CNTNAP3B: variants seen among roughly 807,000 people sequenced by gnomAD.
CNTNAP3B encodes the protein contactin-associated protein-like 3B.
In CNTNAP3B, 25 loss-of-function variants were observed where a neutral mutation model predicts 108.9. The ratio of observed to expected loss-of-function variants is 0.23; its 90% CI spans 0.17 to 0.32. The LOEUF (loss-of-function observed/expected upper bound fraction) is 0.32. Ranked by LOEUF, CNTNAP3B falls within the 10% of genes least tolerant of loss-of-function variation. The probability of loss-of-function intolerance (pLI) is 1.00; values close to 1 mark genes in which losing one functional copy is unlikely to be tolerated. For missense variants in CNTNAP3B, 252 were observed against 1,210.4 expected, an observed-to-expected ratio of 0.21 and a Z score of 11.75; for synonymous variants, 103 against 473.4, an observed-to-expected ratio of 0.22 and a Z score of 10.16.
chr9:41,945,973 A>T (rs879024199), intron 13 of CNTNAP3B, among the ~76,000 whole-genome samples: 1 of 152,400 alleles, frequency 6.6e-6, no homozygotes, highest in East Asian at 1.9e-4. Flanking sequence ...CAGAGCAAGG[A>T]AAATTATCAG....
chr9:42,111,186 G>A (rs1186395329), intron 1 of CNTNAP3B, among the ~76,000 whole-genome samples: 4 of 139,400 alleles, frequency 2.9e-5, no homozygotes, highest in Non-Finnish European at 6.2e-5. Flanking sequence ...TGAATGAATG[G>A]GAACAGAACC....
At chr9:42,114,805 G>T (rs1173418771) in intron 1 of CNTNAP3B, among the ~76,000 whole-genome samples, 2 of 138,242 alleles carry the variant, frequency 1.4e-5, no homozygotes, top group Non-Finnish European at 3.1e-5. Context: ...TTTACAGTGA[G>T]ACTGGGCGCA....
intron 3 of CNTNAP3B, among the ~76,000 whole-genome samples, chr9:42,058,303 A>G (rs1202661401): frequency 6.6e-6 from 1 of 152,204 alleles, no homozygotes; most frequent in African/African-American, 2.4e-5. Context: ...GCTTTCCATA[A>G]TGGATATACA....
chr9:41,973,835 T>C (rs1397437227), intron 9 of CNTNAP3B, among the ~76,000 whole-genome samples: 2 of 130,822 alleles, frequency 1.5e-5, no homozygotes, highest in African/African-American at 6.2e-5. Context: ...AAATTAGACT[T>C]TCTCTTTCTT....
rs561132555 is a variant in CNTNAP3B, at chr9:42,112,395, G to A, written c.86-7656C>T. ...AGGGAGCCACACAGCAGCCATGTGC[G>A]GCGGCAGATGGGGATGAGAGGGAAC... On this transcript the variant is annotated intron_variant, in intron 1 of 23. Transcript: ENST00000377561. Among the ~76,000 whole-genome samples the A allele has an allele frequency of 3.7e-4, 51 of 139,322 alleles. 10 individuals are homozygous for A. The highest frequency in any genetic ancestry group is 1.3e-3 in the African/African-American group (47 of 35,068). The allele number at this position is 139,322 out of a possible 152,430, so 91.4% of individuals were successfully genotyped here.
intron 1 of CNTNAP3B, among the ~76,000 whole-genome samples, chr9:42,113,654 C>T: frequency 7.2e-6 from 1 of 139,696 alleles, no homozygotes. Flanking sequence ...TAAAGATGAA[C>T]TGTTAATAAA....
chr9:42,014,739 C>T (rs1296363121), intron 3 of CNTNAP3B, among the ~76,000 whole-genome samples: 3 of 52,766 alleles, frequency 5.7e-5, no homozygotes, highest in African/African-American at 2.6e-4. Context: ...TGCAGTGAGC[C>T]GAGATCGTGC....
At chr9:42,079,457 C>A (rs1047611320) in intron 2 of CNTNAP3B, among the ~76,000 whole-genome samples, 2 of 119,312 alleles carry the variant, frequency 1.7e-5, no homozygotes, top group Non-Finnish European at 3.4e-5. Flanking sequence ...TACAACACTA[C>A]TGAAACTGTG....
chr9:41,934,122 T>TATATATATACACACAC (rs1214326050), intron 14 of CNTNAP3B, among the ~76,000 whole-genome samples: 2 of 73,472 alleles, frequency 2.7e-5, no homozygotes, highest in Non-Finnish European at 5.2e-5. Flanking sequence ...TATATATATA[T>TATATATATACACACAC]ACACACACAT....
intron 11 of CNTNAP3B, among the ~76,000 whole-genome samples, chr9:41,961,287 T>A (rs537557253): frequency 6.6e-6 from 1 of 152,282 alleles, no homozygotes; most frequent in Non-Finnish European, 1.5e-5. Context: ...GAGACTGTAC[T>A]TTCTCTACAT....
chr9:42,056,762 CA>C (rs1461774400), intron 3 of CNTNAP3B, among the ~76,000 whole-genome samples: 1 of 123,820 alleles, frequency 8.1e-6, no homozygotes, highest in Non-Finnish European at 1.7e-5. Flanking sequence ...GAGCACTTTA[CA>C]AAAAAACTGT....
At chr9:42,054,451 G>A (rs1456977784) in intron 3 of CNTNAP3B, among the ~76,000 whole-genome samples, 134 of 151,518 alleles carry the variant, frequency 8.8e-4, no homozygotes, top group South Asian at 7.4e-3. Flanking sequence ...CTTATAGTGC[G>A]TGACTGGATT....
chr9:41,938,131 ACATACTTTAATCTAGTTACC>A (rs1330381126), intron 14 of CNTNAP3B, 93 bp downstream of exon 14: 1 of 823,488 alleles, frequency 1.2e-6, no homozygotes, highest in Non-Finnish European at 1.9e-6. Flanking sequence ...GCTTGCTTGA[ACATACTTTAATCTAGTTACC>A]TTATTGTACC....
intron 12 of CNTNAP3B, among the ~76,000 whole-genome samples, chr9:41,957,900 A>T (rs1163771021): frequency 6.6e-6 from 1 of 151,942 alleles, no homozygotes; most frequent in Non-Finnish European, 1.5e-5. Flanking sequence ...AGCTGGGACT[A>T]CAGGCACCCG....
chr9:41,940,322 A>G (rs1486415727), intron 13 of CNTNAP3B, among the ~76,000 whole-genome samples: 413 of 152,122 alleles, frequency 2.7e-3, no homozygotes, highest in African/African-American at 9.7e-3. Context: ...TGGAAACAAA[A>G]CAAAACAAAT....
intron 2 of CNTNAP3B, among the ~76,000 whole-genome samples, chr9:42,097,298 G>T (rs1827922429): frequency 1.4e-5 from 2 of 140,312 alleles, no homozygotes; most frequent in South Asian, 2.3e-4. Context: ...GTCCAAGTTA[G>T]TTCCAATTTT....
At chr9:41,894,268 C>T (rs1289389394) in intron 23 of CNTNAP3B, among the ~76,000 whole-genome samples, 158 bp from the exon 24 acceptor site, 2,239 of 121,858 alleles carry the variant, frequency 0.018, 33 homozygotes, top group South Asian at 0.11. Flanking sequence ...CCCACTCCAC[C>T]GTTCAGCTTA....
At chr9:42,044,481 G>C (rs1053183995) in intron 3 of CNTNAP3B, among the ~76,000 whole-genome samples, 1 of 129,656 alleles carries the variant, frequency 7.7e-6, no homozygotes, top group South Asian at 2.5e-4. Context: ...AGCCTTTTAT[G>C]GGGATTCTTA....
intron 1 of CNTNAP3B, among the ~76,000 whole-genome samples, chr9:42,122,235 C>T (rs1175328040): frequency 7.2e-6 from 1 of 139,538 alleles, no homozygotes; most frequent in Non-Finnish European, 1.5e-5. Context: ...CACAGTATCT[C>T]AAAATCTATG....
Sources: allele counts gnomAD v4.1 joint callset (sites outside exome capture counted in the v4.1 genomes callset), GRCh38; gene constraint gnomAD v4.1.1; transcripts MANE v1.5; gene names NCBI Gene and HGNC (gene_info 2026-07-23, HGNC 2026-07-21).